The following CSMD1 variants were observed in gnomAD, a reference collection of about 807,000 sequenced individuals.
CSMD1 encodes CUB and sushi domain-containing protein 1.
CSMD1 carries 213 observed loss-of-function variants against 417.5 expected under a neutral mutation model. The ratio of observed to expected loss-of-function variants is 0.51; its 90% CI spans 0.46 to 0.57. The LOEUF (loss-of-function observed/expected upper bound fraction) is 0.57, where lower values mean the gene tolerates loss of function less well. CSMD1 is among the 20% of genes least tolerant of loss of function. The pLI is 0.00. For missense variants in CSMD1, 6,923 were observed against 4,529.7 expected (o/e 1.53, Z -15.17); for synonymous variants, 2,862 against 1,736.8 (o/e 1.65, Z -16.11).
intron 8 of CSMD1, among the ~76,000 whole-genome samples, chr8:3,606,327 G>C (rs1401939416): frequency 6.6e-6 from 1 of 152,114 alleles, no homozygotes; most frequent in Admixed American, 6.5e-5. Flanking sequence ...TACACAGCTG[G>C]GCTTCATGGT....
intron 3 of CSMD1, among the ~76,000 whole-genome samples, chr8:4,205,833 C>T (rs912415599): frequency 6.6e-6 from 1 of 152,308 alleles, no homozygotes; most frequent in Admixed American, 6.5e-5. Flanking sequence ...CCCCCATTAA[C>T]ATATGAGTAC....
intron 38 of CSMD1, among the ~76,000 whole-genome samples, chr8:3,158,722 T>A (rs1282035471): frequency 6.6e-6 from 1 of 152,112 alleles, no homozygotes; most frequent in East Asian, 1.9e-4. Flanking sequence ...AGGTGATCCA[T>A]GAGACCTCTG....
intron 26 of CSMD1, among the ~76,000 whole-genome samples, chr8:3,273,260 C>A (rs1295573476): frequency 6.6e-6 from 1 of 151,824 alleles, no homozygotes; most frequent in Non-Finnish European, 1.5e-5. Flanking sequence ...ATTGAACTAG[C>A]CTTGCATCCC....
chr8:4,663,937 T>G (rs1359343467), intron 1 of CSMD1, among the ~76,000 whole-genome samples: 1 of 152,130 alleles, frequency 6.6e-6, no homozygotes, highest in African/African-American at 2.4e-5. Flanking sequence ...TCCACTGGGA[T>G]GGAAATTGGA....
chr8:4,056,127 G>A (rs1292975089), intron 3 of CSMD1, among the ~76,000 whole-genome samples: 3 of 119,082 alleles, frequency 2.5e-5, no homozygotes, highest in Admixed American at 1.2e-4. Context: ...TGTCACCCAA[G>A]CTGCAATACA....
intron 1 of CSMD1, among the ~76,000 whole-genome samples, chr8:4,735,416 C>T (rs1008041019): frequency 5.3e-5 from 8 of 152,120 alleles, no homozygotes; most frequent in Admixed American, 5.2e-4. Flanking sequence ...CTTCTTTTTT[C>T]AGTAAGGGAG....
At chr8:3,877,397 C>T (rs1162586112) in intron 5 of CSMD1, among the ~76,000 whole-genome samples, 2 of 152,198 alleles carry the variant, frequency 1.3e-5, no homozygotes, top group African/African-American at 4.8e-5. Flanking sequence ...ACCGAACCCA[C>T]GTTCCATACA....
At chr8:4,953,219 G>A (rs1374584286) in intron 1 of CSMD1, among the ~76,000 whole-genome samples, 2 of 152,078 alleles carry the variant, frequency 1.3e-5, no homozygotes, top group African/African-American at 2.4e-5. Flanking sequence ...ATTTCCTAAT[G>A]AGTTTTGCTG....
chr8:4,086,740 A>G (rs905287875), intron 3 of CSMD1, among the ~76,000 whole-genome samples: 1 of 152,196 alleles, frequency 6.6e-6, no homozygotes, highest in Admixed American at 6.5e-5. Context: ...AGTATTATTG[A>G]GTTTCTGGTC....
intron 7 of CSMD1, among the ~76,000 whole-genome samples, chr8:3,630,065 A>C (rs1254145514): frequency 6.6e-6 from 1 of 150,996 alleles, no homozygotes. Context: ...ATTAGAGATC[A>C]AAATCCCCAT....
chr8:3,499,076 T>A (rs369396577), intron 10 of CSMD1, among the ~76,000 whole-genome samples: 1 of 152,346 alleles, frequency 6.6e-6, no homozygotes, highest in African/African-American at 2.4e-5. Flanking sequence ...ACATTTCTTG[T>A]GTTCCTACAT....
At chr8:2,945,077 G>C (rs1224056219) in intron 68 of CSMD1, among the ~76,000 whole-genome samples, 1 of 152,044 alleles carries the variant, frequency 6.6e-6, no homozygotes, top group Non-Finnish European at 1.5e-5. Flanking sequence ...TAATTTGAAG[G>C]TTAATATACA....
intron 17 of CSMD1, among the ~76,000 whole-genome samples, chr8:3,393,852 G>C (rs577531513): frequency 2.6e-5 from 4 of 151,286 alleles, no homozygotes; most frequent in Admixed American, 2.6e-4. Context: ...GGTGTGGGGA[G>C]GGGGCAGGGA....
chr8:3,342,989 G>C (rs1308858228), intron 23 of CSMD1, among the ~76,000 whole-genome samples: 2 of 152,046 alleles, frequency 1.3e-5, no homozygotes, highest in African/African-American at 2.4e-5. Context: ...ACATGAATTT[G>C]TATCAATGTA....
At chr8:3,702,987 TATTGCCCATTTAC>T (rs1563289362) in intron 7 of CSMD1, among the ~76,000 whole-genome samples, 1 of 152,226 alleles carries the variant, frequency 6.6e-6, no homozygotes, top group African/African-American at 2.4e-5. Flanking sequence ...GGAGACATAA[TATTGCCCATTTAC>T]ATTGCACTTT....
At chr8:3,733,402 T>C (rs1796369544) in intron 6 of CSMD1, among the ~76,000 whole-genome samples, 1 of 149,400 alleles carries the variant, frequency 6.7e-6, no homozygotes, top group Non-Finnish European at 1.5e-5. Flanking sequence ...GATTAGATGA[T>C]AGAAACCTGT....
chr8:3,453,754 G>C (rs1048383939), intron 12 of CSMD1, among the ~76,000 whole-genome samples: 2 of 152,142 alleles, frequency 1.3e-5, no homozygotes, highest in African/African-American at 4.8e-5. Flanking sequence ...TTTTGGAATA[G>C]GTGTGGTATG....
At chr8:4,631,754 A>C (rs1026865401) in intron 2 of CSMD1, among the ~76,000 whole-genome samples, 5 of 152,248 alleles carry the variant, frequency 3.3e-5, no homozygotes, top group Non-Finnish European at 5.9e-5. Flanking sequence ...TGGCCCTATC[A>C]CATTCACCTC....
chr8:2,987,340 T>A (rs1050813632), intron 54 of CSMD1, among the ~76,000 whole-genome samples: 1 of 150,410 alleles, frequency 6.6e-6, no homozygotes, highest in African/African-American at 2.4e-5. Context: ...ATATGTAAGC[T>A]TATGTGTGTA....
Sources: allele counts gnomAD v4.1 joint callset (sites outside exome capture counted in the v4.1 genomes callset), GRCh38; gene constraint gnomAD v4.1.1; transcripts MANE v1.5; gene names NCBI Gene and HGNC (gene_info 2026-07-23, HGNC 2026-07-21).